ATG2B: variants seen among roughly 807,000 people sequenced by gnomAD.
ATG2B encodes the protein autophagy-related protein 2 homolog B.
A neutral mutation model predicts 241.3 loss-of-function variants in ATG2B; 121 were observed. That is an observed-to-expected ratio of 0.50 (90% confidence interval 0.43 to 0.58). The LOEUF (loss-of-function observed/expected upper bound fraction) is 0.58. Among genes scored for constraint, ATG2B ranks in the 20% least tolerant of loss-of-function variants. ATG2B has a pLI of 0.00. For missense variants in ATG2B, 2,306 were observed against 2,491.6 expected (o/e 0.93, Z 1.59); for synonymous variants, 858 against 876.6 (o/e 0.98, Z 0.37).
intron 6 of ATG2B, among the ~76,000 whole-genome samples, chr14:96,339,271 AGTGTGTGTGTGT>A (rs34822684): frequency 6.1e-5 from 9 of 147,564 alleles, no homozygotes; most frequent in East Asian, 2.0e-4. Context: ...GCAATTCCAC[AGTGTGTGTGTGT>A]GTGTGTGTGT....
At chr14:96,306,626 C>CA in intron 30 of ATG2B, 88 bp downstream of exon 30, 1 of 1,142,690 alleles carries the variant, frequency 8.8e-7, no homozygotes, top group South Asian at 1.7e-5. Context: ...AAAGAATTTA[C>CA]AAAATCAACA....
chr14:96,346,351 A>C (rs1261135003), intron 2 of ATG2B, among the ~76,000 whole-genome samples: 3 of 152,300 alleles, frequency 2.0e-5, no homozygotes, highest in Middle Eastern at 3.4e-3. Context: ...TTCTAATGGA[A>C]TGCTTTAAAG....
At chr14:96,314,996 T>C (rs1022017614) in intron 23 of ATG2B, among the ~76,000 whole-genome samples, 158 bp downstream of exon 23, 1 of 152,246 alleles carries the variant, frequency 6.6e-6, no homozygotes, top group Non-Finnish European at 1.5e-5. Flanking sequence ...CGGCCAATAC[T>C]GTTCTATTTC....
At chr14:96,305,030 G>A (rs746661167) in intron 31 of ATG2B, among the ~76,000 whole-genome samples, 16 of 152,168 alleles carry the variant, frequency 1.1e-4, no homozygotes, top group Non-Finnish European at 2.1e-4. Context: ...AGTAGAAAAA[G>A]CTGCTGAACT....
chr14:96,316,993 C>G (rs922546714), intron 20 of ATG2B, 152 bp downstream of exon 20: 2 of 751,260 alleles, frequency 2.7e-6, no homozygotes, highest in Admixed American at 3.0e-5. Context: ...CCCAAAGTTG[C>G]TATCATCATG....
chr14:96,344,788 G>A, intron 3 of ATG2B, 32 bp from the exon 4 acceptor site: 1 of 1,032,238 alleles, frequency 9.7e-7, no homozygotes, highest in Non-Finnish European at 1.4e-6. Context: ...CAACGTAAGA[G>A]ACCACATATA....
intron 14 of ATG2B, among the ~76,000 whole-genome samples, chr14:96,327,130 G>C (rs1004024416): frequency 2.6e-5 from 4 of 151,930 alleles, no homozygotes; most frequent in Admixed American, 1.3e-4. Flanking sequence ...CAACTATTTG[G>C]GGGGCTGAGG....
Position 96,308,283 on chromosome 14 carries a change from T to TGTATATA in ATG2B, c.4303+1169_4303+1170insTATATAC, listed in dbSNP as rs1491275020. On this transcript the variant is annotated intron_variant, in intron 29 of 41. Transcript: ENST00000359933. The stretch of plus-strand genomic sequence containing the variant: ...ATATATATATATATATATATATATA[T>TGTATATA]TTTTTTTTTTTTTTTTTTTGAGACA... Among the ~76,000 whole-genome samples the TGTATATA allele has an allele frequency of 6.6e-5, 2 of 30,236 alleles. 1 individual carries two copies. Among genetic ancestry groups the TGTATATA allele is most frequent in the Non-Finnish European group, 1.3e-4 (2 of 15,066 alleles). 19.8% of individuals were successfully genotyped at this position (30,236 alleles called of 152,430 possible).
intron 29 of ATG2B, among the ~76,000 whole-genome samples, chr14:96,308,413 C>T (rs1269207526): frequency 2.7e-5 from 4 of 146,850 alleles, no homozygotes; most frequent in Admixed American, 2.7e-4. Flanking sequence ...CCTAAGCCTC[C>T]CAAGTATCTG....
Position 96,315,175 on chromosome 14 carries a change from A to G in ATG2B, c.3621T>C (p.Ser1207=), listed in dbSNP as rs1387003128. 1.2e-6 allele frequency: 2 copies of G among 1,614,056 alleles called. No homozygotes were observed. Among genetic ancestry groups the G allele is most frequent in the Non-Finnish European group, 1.7e-6 (2 of 1,179,980 alleles). The change falls in exon 23 of 42, where the codon TCT becomes TCC. Residue 1207 remains serine (S), a synonymous_variant. Coordinates refer to ENST00000359933, the MANE Select transcript of ATG2B (RefSeq NM_018036.7). ...TTACCTGCTCATGCCAGCTAAGCCC[A>G]GAAGGAAGCATTCTATGCTGGAGAG... ...GATLQHRMLP[S]GLSWHEQILY...
intron 6 of ATG2B, among the ~76,000 whole-genome samples, chr14:96,339,296 GTGTGTGTGTA>G (rs1488544975): frequency 1.3e-5 from 2 of 151,470 alleles, no homozygotes; most frequent in East Asian, 3.9e-4. Flanking sequence ...GTGTGTGTGT[GTGTGTGTGTA>G]TACATATATA....
intron 2 of ATG2B, 80 bp from the exon 3 acceptor site, chr14:96,345,465 T>C (rs1441779746): frequency 1.5e-5 from 16 of 1,050,124 alleles, no homozygotes; most frequent in Middle Eastern, 2.5e-4. Flanking sequence ...ACATTTCAAA[T>C]AGACAAATTC....
chr14:96,355,190 T>G (rs1246792082), intron 1 of ATG2B, among the ~76,000 whole-genome samples: 1 of 152,236 alleles, frequency 6.6e-6, no homozygotes, highest in Non-Finnish European at 1.5e-5. Context: ...TTTTTGCTTC[T>G]TCATCATGAA....
At chr14:96,334,805 C>T (rs867593745) in intron 6 of ATG2B, among the ~76,000 whole-genome samples, 1 of 152,112 alleles carries the variant, frequency 6.6e-6, no homozygotes, top group Non-Finnish European at 1.5e-5. Context: ...GACATAGTCT[C>T]CAAGGATGAA....
chr14:96,318,310 C>G (rs1887370513), intron 18 of ATG2B: 1 of 152,352 alleles, frequency 6.6e-6, no homozygotes, highest in African/African-American at 2.4e-5. Context: ...TGTGGGGTGT[C>G]CAGGGCAGAA....
chr14:96,359,600 G>GTCATTAAA (rs1888570786), intron 1 of ATG2B, among the ~76,000 whole-genome samples: 1 of 152,104 alleles, frequency 6.6e-6, no homozygotes, highest in South Asian at 2.1e-4. Context: ...AAAGGAATGA[G>GTCATTAAA]TCATTAAATC....
intron 14 of ATG2B, among the ~76,000 whole-genome samples, chr14:96,327,886 G>A (rs1219663482): frequency 1.3e-5 from 2 of 152,180 alleles, no homozygotes; most frequent in Admixed American, 6.5e-5. Flanking sequence ...GCAGTGATGC[G>A]ATCTAACTGC....
At chr14:96,322,340 G>C in intron 17 of ATG2B, 86 bp from the exon 18 acceptor site, 2 of 1,449,380 alleles carry the variant, frequency 1.4e-6, no homozygotes, top group Non-Finnish European at 1.9e-6. Flanking sequence ...ATAGGACTTG[G>C]TATGTGAGAA....
intron 7 of ATG2B, 55 bp downstream of exon 7, chr14:96,334,350 G>C: frequency 1.7e-6 from 2 of 1,181,040 alleles, no homozygotes; most frequent in Non-Finnish European, 2.4e-6. Flanking sequence ...ATATTTTAAA[G>C]TTTTTTAAAA....
Sources: gnomAD v4.1 joint callset for allele counts (sites outside exome capture counted in the v4.1 genomes callset) on GRCh38, gnomAD v4.1.1 for gene constraint, MANE v1.5 for transcripts, NCBI Gene and HGNC (gene_info 2026-07-23, HGNC 2026-07-21) for gene names.